UGT1A7: variants seen among roughly 807,000 people sequenced by gnomAD.
UGT1A7 encodes UDP glucuronosyltransferase family 1 member A7.
In UGT1A7, 33 loss-of-function variants were observed where a neutral mutation model predicts 45.6. That is an observed-to-expected ratio of 0.72 (90% CI 0.55 to 0.97). UGT1A7 has a LOEUF of 0.97. UGT1A7 is among the 50% of genes least tolerant of loss of function. UGT1A7 has a pLI of 0.00. For missense variants in UGT1A7, 684 were observed against 666.2 expected (o/e 1.03, Z -0.29); for synonymous variants, 274 against 250.6 (o/e 1.09, Z -0.88).
rs1393468196 is a variant in UGT1A7 at position 233,724,983 on chromosome 2, G to A, written c.856-42051G>A. Among the ~76,000 whole-genome samples, 3 of 134,836 alleles carry A rather than the reference G, an allele frequency of 2.2e-5. 1 individual carries two copies. The highest frequency in any genetic ancestry group is 9.1e-5 in the African/African-American group (3 of 32,964). The allele number at this position is 134,836 out of a possible 152,430, so 88.5% of individuals were successfully genotyped here. A position where few individuals can be genotyped will look rare whatever the true frequency, so the allele number is the denominator to read the frequency against. On this transcript the variant is annotated intron_variant, in intron 1 of 4. Transcript: ENST00000373426. ...AGGCCGAGGTTGGCGGATCACTCGC[G>A]GTTAGGGGCTGGAGACCGGCCCGGC...
At chr2:233,691,652 C>T (rs2075051422) in intron 1 of UGT1A7, 2 of 984,984 alleles carry the variant, frequency 2.0e-6, no homozygotes, top group Non-Finnish European at 2.4e-6. Context: ...CCAGTGTGAC[C>T]CTCCCTTTCT....
rs1408103062 is a variant in UGT1A7 at position 233,767,311 on chromosome 2, TTTG to T, written c.987+154_987+156del. On this transcript the variant is annotated intron_variant, in intron 2 of 4. Coordinates refer to ENST00000373426, the MANE Select transcript of UGT1A7 (RefSeq NM_019077.3). The stretch of plus-strand genomic sequence containing the variant: ...CCCAACTATTAATCCAAAGGTTTTT[TTTG>T]TTGTTGTGGTTGTTGTCATTGTTTT... 34 of 1,514,266 alleles carry T rather than the reference TTTG, an allele frequency of 2.2e-5. No homozygotes were observed. In the African/African-American group the frequency reaches 2.9e-4, roughly 13 times the overall value. The allele number at this position is 1,514,266 out of a possible 1,614,324, so 93.8% of individuals were successfully genotyped here. A position where few individuals can be genotyped will look rare whatever the true frequency, so the allele number is the denominator to read the frequency against.
rs568090687 is a variant in UGT1A7, at chr2:233,760,533, A to G, written c.856-6501A>G. 23 of 1,614,268 alleles carry G rather than the reference A, an allele frequency of 1.4e-5. No homozygotes were observed. The South Asian group carries it at 2.2e-4, about 15-fold the overall frequency. On this transcript the variant is annotated intron_variant, in intron 1 of 4. Coordinates refer to ENST00000373426, the MANE Select transcript of UGT1A7 (RefSeq NM_019077.3). ...ACACCTTGAAGACGTACCCTGTGCC[A>G]TTCCAAAGGGAGGATGTGAAAGAGT... is the stretch of plus-strand genomic sequence containing the variant.
Position 233,689,150 on chromosome 2 carries a change from A to G in UGT1A7, c.855+6358A>G, listed in dbSNP as rs546743991. 1.8e-4 allele frequency among the ~76,000 whole-genome samples: 27 copies of G among 152,338 alleles called. No individual in the cohort carries two copies. The East Asian group carries it at 4.2e-3, about 24-fold the overall frequency. ...TTGTTACAAGCCCCTGAAGGAAGTTATAAACACCTTATCTTCTACTAGGAC... is the reference window on the plus strand; with the variant it reads ...TTGTTACAAGCCCCTGAAGGAAGTTGTAAACACCTTATCTTCTACTAGGAC... On this transcript the variant is annotated intron_variant, in intron 1 of 4. Transcript: ENST00000373426.
Position 233,769,718 on chromosome 2 carries a change from C to A in UGT1A7, c.1295+1279C>A. On this transcript the variant is annotated intron_variant, in intron 4 of 4. Coordinates refer to ENST00000373426, the MANE Select transcript of UGT1A7 (RefSeq NM_019077.3). The surrounding 1 kb of genome is among the most constrained non-coding windows in gnomAD (Gnocchi z 4.4). Reference sequence around the variant, plus strand: ...TAAAAGATCAATGTTGGCTAGGCACCATGGCACACGCCTGTAGTCCCAGCC... The same window carrying A: ...TAAAAGATCAATGTTGGCTAGGCACAATGGCACACGCCTGTAGTCCCAGCC... 6.7e-7 allele frequency: 1 copy of A among 1,492,462 alleles called. No individual in the cohort carries two copies. Among genetic ancestry groups the A allele is most frequent in the Non-Finnish European group, 8.9e-7 (1 of 1,119,524 alleles). The allele number at this position is 1,492,462 out of a possible 1,614,324, so 92.5% of individuals were successfully genotyped here.
At chr2:233,754,028 T>C (rs751344508) in intron 1 of UGT1A7, among the ~76,000 whole-genome samples, 3 of 152,268 alleles carry the variant, frequency 2.0e-5, no homozygotes, top group African/African-American at 7.2e-5. Context: ...AGGAAACGAA[T>C]GCATCCACTT....
At chr2:233,742,766 G>T (rs1363291568) in intron 1 of UGT1A7, 4 of 152,980 alleles carry the variant, frequency 2.6e-5, no homozygotes, top group African/African-American at 9.7e-5. Context: ...GATAATAAAT[G>T]CATGTTGTTT....
chr2:233,739,782 C>T (rs1351387026), intron 1 of UGT1A7, among the ~76,000 whole-genome samples: 1 of 152,030 alleles, frequency 6.6e-6, no homozygotes, highest in Non-Finnish European at 1.5e-5. Context: ...TGAGTTAAGA[C>T]TTTGGAGGAC....
chr2:233,752,662 G>T (rs1695027689), intron 1 of UGT1A7: 5 of 152,258 alleles, frequency 3.3e-5, no homozygotes, highest in Admixed American at 2.0e-4. Flanking sequence ...TGAGGAGGAA[G>T]GATCACTTGA....
intron 1 of UGT1A7, among the ~76,000 whole-genome samples, chr2:233,696,491 C>T (rs1208679803): frequency 6.6e-6 from 1 of 151,990 alleles, no homozygotes; most frequent in African/African-American, 2.4e-5. Flanking sequence ...GCAACTTTAC[C>T]GAATTTGCTT....
chr2:233,682,378 C>G lies in UGT1A7; in HGVS notation c.441C>G (p.Leu147=), dbSNP rs763404567. The part of the protein sequence containing the change: ...LKESCFDAVF[L]DPFDACGLIV... The stretch of plus-strand genomic sequence containing the variant: ...AGAGTTGTTTTGATGCAGTGTTTCT[C>G]GATCCTTTTGATGCCTGTGGCTTAA... Residue 147 remains leucine (L), a synonymous_variant, in exon 1 of 5, where the codon CTC becomes CTG. Transcript: ENST00000373426. 1.9e-6 allele frequency: 3 copies of G among 1,613,940 alleles called. No individual in the cohort carries two copies. Among genetic ancestry groups the G allele is most frequent in the Non-Finnish European group, 1.7e-6 (2 of 1,179,920 alleles).
At chr2:233,765,830 A>G (rs929596) in intron 1 of UGT1A7, among the ~76,000 whole-genome samples, 48,017 of 151,854 alleles carry the variant, frequency 0.32, 7,975 homozygotes, top group African/African-American at 0.41. Flanking sequence ...GAAACAGGAA[A>G]ACTTTCCTTG....
rs1239644692 is a variant in UGT1A7 at position 233,769,886 on chromosome 2, C to T, written c.1295+1447C>T. On this transcript the variant is annotated intron_variant, in intron 4 of 4. Coordinates refer to ENST00000373426, the MANE Select transcript of UGT1A7 (RefSeq NM_019077.3). The surrounding 1 kb of genome is among the most constrained non-coding windows in gnomAD (Gnocchi z 4.4). ...AAAAAAAAAAAAAATGAAAAGTCCACATAACCTGAGCATCATGTGCCCAGA... is the reference window on the plus strand; with the variant it reads ...AAAAAAAAAAAAAATGAAAAGTCCATATAACCTGAGCATCATGTGCCCAGA... The T allele has an allele frequency of 5.3e-5, 21 of 399,374 alleles. No individual in the cohort carries two copies. The South Asian group carries it at 8.0e-4, about 15-fold the overall frequency. The allele number at this position is 399,374 out of a possible 1,614,324, so 24.7% of individuals were successfully genotyped here.
chr2:233,699,711 C>A (rs375933145), intron 1 of UGT1A7, among the ~76,000 whole-genome samples: 2 of 152,204 alleles, frequency 1.3e-5, no homozygotes, highest in South Asian at 4.1e-4. Flanking sequence ...GGTTTTCTTG[C>A]AGCATTTTTT....
At chr2:233,738,575 G>GGA (rs1690841736) in intron 1 of UGT1A7, among the ~76,000 whole-genome samples, 1 of 152,198 alleles carries the variant, frequency 6.6e-6, no homozygotes, top group African/African-American at 2.4e-5. Flanking sequence ...GTTGAGAACT[G>GGA]GAGCAAAGGT....
At chr2:233,764,892 GC>G (rs759147783) in intron 1 of UGT1A7, among the ~76,000 whole-genome samples, 77 of 150,328 alleles carry the variant, frequency 5.1e-4, no homozygotes, top group Non-Finnish European at 1.0e-3. Context: ...CAAAGACAAA[GC>G]CCTTAAGAGC....
intron 1 of UGT1A7, chr2:233,755,135 T>A (rs1342380152): frequency 7.6e-7 from 1 of 1,315,532 alleles, no homozygotes; most frequent in African/African-American, 1.5e-5. Flanking sequence ...CCTGCTTGAA[T>A]CTTCTCACCG....
chr2:233,715,338 A>T (rs2076446051), intron 1 of UGT1A7, among the ~76,000 whole-genome samples: 1 of 152,002 alleles, frequency 6.6e-6, no homozygotes, highest in East Asian at 1.9e-4. Flanking sequence ...AGATTGGTGC[A>T]TGTAGGTTTG....
At chr2:233,695,391 TG>T (rs377616491) in intron 1 of UGT1A7, among the ~76,000 whole-genome samples, 3 of 151,868 alleles carry the variant, frequency 2.0e-5, no homozygotes, top group African/African-American at 7.2e-5. Flanking sequence ...CCCAAAGTGC[TG>T]GGATTACAGG....
Sources: gnomAD v4.1 joint callset for allele counts (sites outside exome capture counted in the v4.1 genomes callset) on GRCh38, gnomAD v4.1.1 for gene constraint, Gnocchi (gnomAD v3.1) non-coding constraint, MANE v1.5 for transcripts, NCBI Gene and HGNC (gene_info 2026-07-23, HGNC 2026-07-21) for gene names.